Variants in ZNF831 observed in about 807,000 individuals in gnomAD.
The protein encoded by ZNF831 is zinc finger protein 831.
ZNF831 carries 59 observed loss-of-function variants against 95.8 expected under a neutral mutation model. The observed-to-expected ratio is 0.62, with a 90% CI of 0.50 to 0.77. The LOEUF (loss-of-function observed/expected upper bound fraction) is 0.77. Ranked by LOEUF, ZNF831 falls within the 30% of genes least tolerant of loss-of-function variation. The pLI, the probability that ZNF831 is intolerant of heterozygous loss-of-function variation, is 0.00. For synonymous variants in ZNF831, 961 were observed against 925.5 expected, an observed-to-expected ratio of 1.04 and a Z score of -0.70; for missense variants, 2,205 against 2,164.0, an observed-to-expected ratio of 1.02 and a Z score of -0.38.
intron 3 of ZNF831, among the ~76,000 whole-genome samples, chr20:59,202,701 G>A (rs944275160): frequency 4.6e-5 from 7 of 152,086 alleles, no homozygotes; most frequent in Non-Finnish European, 8.8e-5. Flanking sequence ...TCTTCCATGT[G>A]CCTCTCACTG....
intron 4 of ZNF831, among the ~76,000 whole-genome samples, chr20:59,207,356 A>G (rs1446399713): frequency 6.6e-6 from 1 of 152,230 alleles, no homozygotes; most frequent in Non-Finnish European, 1.5e-5. Context: ...ACCCAGGAGA[A>G]CATGAATCAC....
At position 59,146,001 on chromosome 20, in the gene ZNF831, G is replaced by A. The variant is rs569848960; in HGVS notation, c.-1424-230G>A. On this transcript the variant is annotated intron_variant, in intron 1 of 7. Transcript: ENST00000637017. ...TTTTATCTGTTTGCAAATGTTCAGTGTAATGGTTTGAAACCCAGCCGTGTA... is the reference window on the plus strand; with the variant it reads ...TTTTATCTGTTTGCAAATGTTCAGTATAATGGTTTGAAACCCAGCCGTGTA... Among the ~76,000 whole-genome samples the A allele has an allele frequency of 9.9e-5, 15 of 152,270 alleles. No individual in the cohort carries two copies. In the South Asian group the frequency reaches 1.7e-3, roughly 17 times the overall value.
intron 2 of ZNF831, among the ~76,000 whole-genome samples, chr20:59,155,125 A>G (rs1980465988): frequency 6.6e-6 from 1 of 152,090 alleles, no homozygotes; most frequent in South Asian, 2.1e-4. Context: ...TGGGAGGGAT[A>G]ATGTCTTCCT....
At position 59,257,569 on chromosome 20, in the gene ZNF831, A is replaced by G. The variant is rs948684771; in HGVS notation, c.*2826A>G. 9 of 152,202 alleles carry G rather than the reference A, an allele frequency of 5.9e-5. No individual in the cohort carries two copies. The highest frequency in any genetic ancestry group is 1.9e-4 in the African/African-American group (8 of 41,446). 9.4% of individuals were successfully genotyped at this position (152,202 alleles called of 1,614,324 possible). Reference sequence around the variant, plus strand: ...CCCAGTTTGGGTTACTAAAAATAAAATGTCAGTATTATCAATTGATAACTA... The same window carrying G: ...CCCAGTTTGGGTTACTAAAAATAAAGTGTCAGTATTATCAATTGATAACTA... On this transcript the variant is annotated 3_prime_UTR_variant, in exon 6 of 6. Coordinates refer to ENST00000371030, the MANE Select transcript of ZNF831 (RefSeq NM_178457.3).
chr20:59,200,260 G>A (rs1268749111), intron 3 of ZNF831, among the ~76,000 whole-genome samples: 4 of 152,046 alleles, frequency 2.6e-5, no homozygotes, highest in Admixed American at 6.5e-5. Context: ...AAAATTCTTA[G>A]CCATCATTCT....
At position 59,254,872 on chromosome 20, in the gene ZNF831, T is replaced by C; in HGVS notation, c.*129T>C. 1 of 1,361,228 alleles carries C rather than the reference T, an allele frequency of 7.3e-7. No individual in the cohort carries two copies. Among genetic ancestry groups the C allele is most frequent in the Non-Finnish European group, 9.9e-7 (1 of 1,012,948 alleles). 84.3% of individuals were successfully genotyped at this position (1,361,228 alleles called of 1,614,324 possible). A position where few individuals can be genotyped will look rare whatever the true frequency, so the allele number is the denominator to read the frequency against. On this transcript the variant is annotated 3_prime_UTR_variant, in exon 6 of 6. Transcript: ENST00000371030. The surrounding 1 kb of genome is among the most constrained non-coding windows in gnomAD (Gnocchi z 4.5). ...ACAGATTAGGAAAGCCATTTTGAGT[T>C]ATTTACAAGCCAACTCCAACCAACT...
At chr20:59,219,997 A>G (rs1022325720) in intron 4 of ZNF831, among the ~76,000 whole-genome samples, 3 of 152,204 alleles carry the variant, frequency 2.0e-5, no homozygotes, top group African/African-American at 7.2e-5. Context: ...TGTTTATGTT[A>G]AAAGTTGAGA....
At chr20:59,145,359 CT>C (rs1979812615) in intron 1 of ZNF831, among the ~76,000 whole-genome samples, 4 of 152,246 alleles carry the variant, frequency 2.6e-5, no homozygotes, top group Admixed American at 2.6e-4. Context: ...AGGTCTTACC[CT>C]TTTTGAAAAT....
chr20:59,151,583 C>G (rs1041150771), intron 2 of ZNF831, among the ~76,000 whole-genome samples: 1 of 152,168 alleles, frequency 6.6e-6, no homozygotes, highest in African/African-American at 2.4e-5. Flanking sequence ...AAGATTCCAC[C>G]TGAGTTCTGC....
chr20:59,193,525 C>T lies in ZNF831; in HGVS notation c.2506C>T (p.Pro836Ser), dbSNP rs202060692. ...KVEDLHSWKQ[P>S]EPVSAETPGG... Reference sequence around the variant, plus strand: ...GGAGGACCTGCACAGCTGGAAGCAACCAGAGCCTGTGAGCGCAGAGACCCC... The same window carrying T: ...GGAGGACCTGCACAGCTGGAAGCAATCAGAGCCTGTGAGCGCAGAGACCCC... Residue 836 changes from proline (P) to serine (S), a missense_variant, in exon 2 of 6, where the codon CCA becomes TCA. Physicochemically the swap from Pro to Ser is moderately conservative, Grantham distance 74. Transcript: ENST00000371030. 6.7e-5 allele frequency: 107 copies of T among 1,607,892 alleles called. 1 individual carries two copies. The Middle Eastern group carries it at 5.3e-3, about 80-fold the overall frequency.
chr20:59,188,112 C>T (rs938847098), intron 1 of ZNF831, among the ~76,000 whole-genome samples: 4 of 152,326 alleles, frequency 2.6e-5, no homozygotes, highest in African/African-American at 7.2e-5. Flanking sequence ...TGAACATGCA[C>T]GTACAAATTT....
At chr20:59,189,344 CATT>C (rs1206297209) in intron 1 of ZNF831, among the ~76,000 whole-genome samples, 1 of 152,062 alleles carries the variant, frequency 6.6e-6, no homozygotes, top group African/African-American at 2.4e-5. Flanking sequence ...TTGTTTTTAA[CATT>C]ATTTGATTGT....
In ZNF831 at chr20:59,192,165, G is replaced by T; in HGVS notation, c.1146G>T (p.Gly382=). 1 of 1,561,910 alleles carries T rather than the reference G, an allele frequency of 6.4e-7. No homozygotes were observed. Among genetic ancestry groups the T allele is most frequent in the East Asian group, 2.3e-5 (1 of 43,308 alleles). The change falls in exon 2 of 6, where the codon GGG becomes GGT. Residue 382 remains glycine, a synonymous_variant. Transcript: ENST00000371030. This position sits in a 1 kb window ranked among gnomAD's most constrained non-coding sequence, Gnocchi z 5.2. ...AGGGGGAGGGCGGCCCGGGCCCGGG[G>T]CCAGGGGTCGCAGGGGCCGAGCCCG... ...ESEGEGGPGP[G]PGVAGAEPGA...
Position 59,202,999 on chromosome 20 carries a change from T to C in ZNF831, c.3876-3906T>C, listed in dbSNP as rs147699456. Among the ~76,000 whole-genome samples, 401 of 152,360 alleles carry C rather than the reference T, an allele frequency of 2.6e-3. 5 individuals carry two copies. The highest frequency in any genetic ancestry group is 9.2e-3 in the African/African-American group (382 of 41,584). On this transcript the variant is annotated intron_variant, in intron 3 of 5. Transcript: ENST00000371030. Reference sequence around the variant, plus strand: ...TAATCAGTCAGAGTATTGAGTCCACTGTGCTGTTGGAAATGGAGTTCTTAT... The same window carrying C: ...TAATCAGTCAGAGTATTGAGTCCACCGTGCTGTTGGAAATGGAGTTCTTAT...
intron 2 of ZNF831, among the ~76,000 whole-genome samples, chr20:59,149,755 C>T (rs933892461): frequency 2.0e-5 from 3 of 152,208 alleles, no homozygotes; most frequent in East Asian, 1.9e-4. Flanking sequence ...GTGTGGATGG[C>T]GGGGCTGGAA....
intron 1 of ZNF831, among the ~76,000 whole-genome samples, chr20:59,137,834 GC>G (rs1979558712): frequency 6.6e-6 from 1 of 152,132 alleles, no homozygotes; most frequent in African/African-American, 2.4e-5. Flanking sequence ...CACATCCTAA[GC>G]CCTTCATTTC....
chr20:59,210,804 A>T (rs1479172667), intron 4 of ZNF831, among the ~76,000 whole-genome samples: 3 of 152,214 alleles, frequency 2.0e-5, no homozygotes, highest in African/African-American at 7.2e-5. Flanking sequence ...CTTCACACCT[A>T]AATCCCAAGA....
chr20:59,174,758 C>A (rs1982009340), intron 1 of ZNF831, among the ~76,000 whole-genome samples: 1 of 151,920 alleles, frequency 6.6e-6, no homozygotes, highest in African/African-American at 2.4e-5. Context: ...ACAAAACAAA[C>A]AAAAAAACAC....
In ZNF831 at chr20:59,147,331, T is replaced by C. The variant is rs574480907; in HGVS notation, c.-1281+957T>C. Among the ~76,000 whole-genome samples, 5 of 152,348 alleles carry C rather than the reference T, an allele frequency of 3.3e-5. No homozygotes were observed. The East Asian group carries it at 9.6e-4, about 29-fold the overall frequency. On this transcript the variant is annotated intron_variant, in intron 2 of 7. Transcript: ENST00000637017. Reference sequence around the variant, plus strand: ...ACAGGCTCTGAAGGGCCCTCGCGTGTCACTCTAGCTGGAGGTACCAGCCCT... The same window carrying C: ...ACAGGCTCTGAAGGGCCCTCGCGTGCCACTCTAGCTGGAGGTACCAGCCCT...
Sources: gnomAD v4.1 joint callset for allele counts (sites outside exome capture counted in the v4.1 genomes callset) on GRCh38, gnomAD v4.1.1 for gene constraint, Gnocchi (gnomAD v3.1) non-coding constraint, MANE v1.5 for transcripts, NCBI Gene and HGNC (gene_info 2026-07-23, HGNC 2026-07-21) for gene names.